CACHD1: variants seen among roughly 807,000 people sequenced by gnomAD.
CACHD1 encodes the protein VWFA and cache domain-containing protein 1.
Under a neutral mutation model 138.7 loss-of-function variants are expected in CACHD1, and 71 were observed. That is an observed-to-expected ratio of 0.51 (90% CI 0.42 to 0.62). The LOEUF is 0.62. CACHD1 is among the 20% of genes least tolerant of loss of function. The pLI is 0.00. For missense variants in CACHD1, 1,389 were observed against 1,625.3 expected, an observed-to-expected ratio of 0.85 and a Z score of 2.50; for synonymous variants, 578 against 591.5, an observed-to-expected ratio of 0.98 and a Z score of 0.33.
chr1:64,665,264 G>A (rs1423733732), intron 15 of CACHD1, among the ~76,000 whole-genome samples: 1 of 151,694 alleles, frequency 6.6e-6, no homozygotes, highest in Non-Finnish European at 1.5e-5. Flanking sequence ...AGACCAGCCT[G>A]GGTAACATAG....
At position 64,691,880 on chromosome 1, in the gene CACHD1, C is replaced by A; in HGVS notation, c.*319C>A. ...ACGGAACCTGCAAGTGAAGCTGAGC[C>A]AGAGGAATGTTCCAAAGAGCCAGAA... is the stretch of plus-strand genomic sequence containing the variant. On this transcript the variant is annotated 3_prime_UTR_variant, in exon 27 of 27. Coordinates refer to ENST00000651257, the MANE Select transcript of CACHD1 (RefSeq NM_020925.4). 1 of 331,528 alleles carries A rather than the reference C, an allele frequency of 3.0e-6. No homozygotes were observed. The allele number at this position is 331,528 out of a possible 1,614,324, so 20.5% of individuals were successfully genotyped here. A position where few individuals can be genotyped will look rare whatever the true frequency, so the allele number is the denominator to read the frequency against.
Position 64,619,169 on chromosome 1 carries a change from A to G in CACHD1, c.518-10186A>G, listed in dbSNP as rs367977817. ...GTTAGATGTAGATGGTGAAATTGGAAGGACAACGTCTGGGGGTCAGAGAAT... is the reference window on the plus strand; with the variant it reads ...GTTAGATGTAGATGGTGAAATTGGAGGGACAACGTCTGGGGGTCAGAGAAT... On this transcript the variant is annotated intron_variant, in intron 4 of 26. Coordinates refer to ENST00000651257, the MANE Select transcript of CACHD1 (RefSeq NM_020925.4). Among the ~76,000 whole-genome samples the G allele has an allele frequency of 8.5e-5, 13 of 152,298 alleles. 1 individual carries two copies. Among genetic ancestry groups the G allele is most frequent in the Admixed American group, 4.6e-4 (7 of 15,290 alleles).
At chr1:64,590,560 A>G (rs928085490) in intron 3 of CACHD1, among the ~76,000 whole-genome samples, 7 of 152,182 alleles carry the variant, frequency 4.6e-5, no homozygotes, top group Non-Finnish European at 1.0e-4. Flanking sequence ...TAACATGCTG[A>G]CCCATAATGT....
intron 15 of CACHD1, 58 bp downstream of exon 15, chr1:64,664,737 G>T (rs1011373752): frequency 7.2e-6 from 11 of 1,518,628 alleles, no homozygotes; most frequent in South Asian, 1.2e-5. Context: ...GAGAGACATG[G>T]TAAGTACATA....
chr1:64,620,501 T>C (rs139733450), intron 4 of CACHD1, among the ~76,000 whole-genome samples: 2 of 152,224 alleles, frequency 1.3e-5, no homozygotes, highest in Non-Finnish European at 2.9e-5. Context: ...TAGATCTTTA[T>C]TTTAATTGAT....
intron 2 of CACHD1, among the ~76,000 whole-genome samples, chr1:64,581,714 C>A (rs1647013941): frequency 6.6e-6 from 1 of 152,124 alleles, no homozygotes; most frequent in South Asian, 2.1e-4. Flanking sequence ...GTTTCCTTTC[C>A]TTCTGTTATT....
chr1:64,485,264 C>T (rs766691968), intron 1 of CACHD1, among the ~76,000 whole-genome samples: 1 of 152,158 alleles, frequency 6.6e-6, no homozygotes, highest in East Asian at 1.9e-4. Context: ...AGATATACAA[C>T]AGTATCATCA....
At chr1:64,687,420 T>C (rs1650404513) in intron 26 of CACHD1, among the ~76,000 whole-genome samples, 1 of 152,208 alleles carries the variant, frequency 6.6e-6, no homozygotes, top group Non-Finnish European at 1.5e-5. Flanking sequence ...AATGGTATCA[T>C]AGTAAGGAAA....
intron 2 of CACHD1, among the ~76,000 whole-genome samples, chr1:64,572,632 A>C (rs1314517197): frequency 6.6e-6 from 1 of 152,108 alleles, no homozygotes; most frequent in Non-Finnish European, 1.5e-5. Flanking sequence ...GCTGGTCTCA[A>C]CTGTTTCCCA....
chr1:64,599,282 G>A (rs1373697350), intron 3 of CACHD1, among the ~76,000 whole-genome samples: 4 of 152,166 alleles, frequency 2.6e-5, no homozygotes, highest in East Asian at 1.9e-4. Context: ...ATATCTAATA[G>A]ATAGGACTGT....
intron 1 of CACHD1, among the ~76,000 whole-genome samples, chr1:64,484,624 A>G (rs936946888): frequency 6.6e-6 from 1 of 152,222 alleles, no homozygotes; most frequent in African/African-American, 2.4e-5. Context: ...ACCATTGAAC[A>G]ATAATGCCCC....
intron 6 of CACHD1, 24 bp from the exon 7 acceptor site, chr1:64,634,020 T>G (rs1429086583): frequency 1.4e-6 from 2 of 1,416,282 alleles, no homozygotes; most frequent in Non-Finnish European, 1.9e-6. Context: ...GTTTGGTGGT[T>G]TTTTTTTTTT....
chr1:64,648,405 T>C (rs1270866996), intron 9 of CACHD1, among the ~76,000 whole-genome samples: 1 of 152,228 alleles, frequency 6.6e-6, no homozygotes, highest in Non-Finnish European at 1.5e-5. Context: ...AGGTGGGCTT[T>C]CAAATTCCAT....
At chr1:64,533,126 C>T (rs866526457) in intron 1 of CACHD1, among the ~76,000 whole-genome samples, 1 of 152,082 alleles carries the variant, frequency 6.6e-6, no homozygotes, top group African/African-American at 2.4e-5. Context: ...GAGTCCGAGG[C>T]GGGTGAATTG....
Position 64,682,121 on chromosome 1 carries a change from C to T in CACHD1, c.3586+15C>T. 2.5e-6 allele frequency: 4 copies of T among 1,611,812 alleles called. No homozygotes were observed. The highest frequency in any genetic ancestry group is 3.4e-6 in the Non-Finnish European group (4 of 1,177,968). ...AAGTGATCATGGTAAGGTCTAGCTT[C>T]CTGCATTTGAAGACCCAAGGAACCT... On this transcript the variant is annotated intron_variant, in intron 26 of 26. Transcript: ENST00000651257.
At chr1:64,663,275 G>A (rs1188929509) in intron 13 of CACHD1, among the ~76,000 whole-genome samples, 8 of 152,200 alleles carry the variant, frequency 5.3e-5, no homozygotes, top group South Asian at 2.1e-4. Context: ...AGCCGCCGCC[G>A]GGCGCAGTGG....
At chr1:64,607,427 A>G (rs1464015158) in intron 4 of CACHD1, among the ~76,000 whole-genome samples, 1 of 152,224 alleles carries the variant, frequency 6.6e-6, no homozygotes, top group Non-Finnish European at 1.5e-5. Flanking sequence ...GAATAGTAGC[A>G]TAGGCTGATC....
chr1:64,572,786 A>G (rs888275655), intron 2 of CACHD1, among the ~76,000 whole-genome samples: 2 of 151,900 alleles, frequency 1.3e-5, no homozygotes, highest in African/African-American at 4.8e-5. Flanking sequence ...TTGCACATAA[A>G]TCTTTCTGGT....
intron 1 of CACHD1, among the ~76,000 whole-genome samples, chr1:64,529,738 G>C (rs1194781317): frequency 1.3e-5 from 2 of 152,096 alleles, no homozygotes; most frequent in African/African-American, 4.8e-5. Flanking sequence ...ACTGCCTTTG[G>C]TCCTTGTATC....
Sources: gnomAD v4.1 joint callset for allele counts (sites outside exome capture counted in the v4.1 genomes callset) on GRCh38, gnomAD v4.1.1 for gene constraint, MANE v1.5 for transcripts, NCBI Gene and HGNC (gene_info 2026-07-23, HGNC 2026-07-21) for gene names.